FILIP1L: variants seen among roughly 807,000 people sequenced by gnomAD.
FILIP1L encodes the protein filamin A-interacting protein 1-like.
Under a neutral mutation model 96.6 loss-of-function variants are expected in FILIP1L, and 55 were observed. That is an observed-to-expected ratio of 0.57 (90% CI 0.46 to 0.71). The LOEUF is 0.71. FILIP1L is among the 30% of genes least tolerant of loss of function. The pLI is 0.00. For synonymous variants in FILIP1L, 467 were observed against 473.9 expected, an observed-to-expected ratio of 0.99 and a Z score of 0.19; for missense variants, 1,304 against 1,321.2, an observed-to-expected ratio of 0.99 and a Z score of 0.20.
chr3:99,940,293 C>A (rs1368257548), intron 1 of FILIP1L, among the ~76,000 whole-genome samples: 1 of 152,208 alleles, frequency 6.6e-6, no homozygotes, highest in African/African-American at 2.4e-5. Flanking sequence ...TGCCACACTT[C>A]CAACCCTAGA....
chr3:99,935,614 T>G (rs1707639403), intron 1 of FILIP1L, among the ~76,000 whole-genome samples: 1 of 152,214 alleles, frequency 6.6e-6, no homozygotes. Flanking sequence ...ACCTCTACCC[T>G]GTTCCTCACC....
At chr3:99,928,615 G>A (rs564874064) in intron 3 of FILIP1L, among the ~76,000 whole-genome samples, 15 of 152,204 alleles carry the variant, frequency 9.9e-5, no homozygotes, top group South Asian at 4.2e-4. Flanking sequence ...TTTTCCCACC[G>A]ATTTCAACAT....
chr3:100,042,424 A>G (rs2065220580), intron 1 of FILIP1L, among the ~76,000 whole-genome samples: 1 of 152,226 alleles, frequency 6.6e-6, no homozygotes, highest in African/African-American at 2.4e-5. Context: ...TGTGAGCACC[A>G]TCATGTAATA....
intron 1 of FILIP1L, among the ~76,000 whole-genome samples, chr3:100,055,507 T>C (rs1050616264): frequency 6.6e-6 from 1 of 152,232 alleles, no homozygotes; most frequent in Non-Finnish European, 1.5e-5. Context: ...CTAAAGACTG[T>C]CTTTACCTTT....
chr3:99,867,930 A>G (rs1944600800), intron 4 of FILIP1L, among the ~76,000 whole-genome samples: 1 of 152,218 alleles, frequency 6.6e-6, no homozygotes, highest in Admixed American at 6.5e-5. Context: ...TACTAAATTC[A>G]AAGTACAATT....
At position 99,869,011 on chromosome 3, in the gene FILIP1L, C is replaced by G. The variant is rs965269438; in HGVS notation, c.606-17941G>C. On this transcript the variant is annotated intron_variant, in intron 4 of 5. Coordinates refer to ENST00000477258, the MANE Select transcript of FILIP1L (RefSeq NM_001387850.1). Reference sequence around the variant, plus strand: ...GGGTTGAACTCTGTGCATACTTGACCAAATGATAGAGAGGTAAAAAGAACC... The same window carrying G: ...GGGTTGAACTCTGTGCATACTTGACGAAATGATAGAGAGGTAAAAAGAACC... Among the ~76,000 whole-genome samples the G allele has an allele frequency of 2.0e-4, 31 of 152,106 alleles. 1 individual carries two copies.
chr3:99,953,429 T>C (rs1708234804), intron 1 of FILIP1L, among the ~76,000 whole-genome samples: 1 of 152,146 alleles, frequency 6.6e-6, no homozygotes, highest in Non-Finnish European at 1.5e-5. Context: ...AGGGTGCAGT[T>C]TGAGGTACAG....
intron 4 of FILIP1L, among the ~76,000 whole-genome samples, chr3:99,877,577 A>T (rs1368949894): frequency 1.3e-5 from 2 of 152,190 alleles, no homozygotes; most frequent in African/African-American, 4.8e-5. Context: ...AATTACACAT[A>T]CTCTTCAGCC....
rs373628648 is a variant in FILIP1L at position 99,961,422 on chromosome 3, A to G, written c.-10-30392T>C. 2.6e-5 allele frequency among the ~76,000 whole-genome samples: 4 copies of G among 152,268 alleles called. No homozygotes were observed. The East Asian group carries it at 5.8e-4, about 22-fold the overall frequency. Reference sequence around the variant, plus strand: ...ATGTATCTACAATGACTCTTATGCTATATATGCATACCCAGGAGCCCAGAA... The same window carrying G: ...ATGTATCTACAATGACTCTTATGCTGTATATGCATACCCAGGAGCCCAGAA... On this transcript the variant is annotated intron_variant, in intron 1 of 5. Transcript: ENST00000477258.
intron 1 of FILIP1L, 123 bp from the exon 2 acceptor site, chr3:99,931,153 T>G (rs535753323): frequency 1.3e-6 from 1 of 761,852 alleles, no homozygotes; most frequent in Non-Finnish European, 2.1e-6. Flanking sequence ...GTCAATCTTT[T>G]TGATGTCTAC....
chr3:99,856,321 G>A lies in FILIP1L; in HGVS notation c.606-5251C>T, dbSNP rs554176812. On this transcript the variant is annotated intron_variant, in intron 4 of 5. Coordinates refer to ENST00000477258, the MANE Select transcript of FILIP1L (RefSeq NM_001387850.1). ...AAGAGTATAGGTATGAATAGTGGAC[G>A]TAGACGTTGATCCCTTAAATCTCTC... Among the ~76,000 whole-genome samples the A allele has an allele frequency of 4.6e-5, 7 of 152,344 alleles. No homozygotes were observed. The East Asian group carries it at 1.2e-3, about 25-fold the overall frequency.
At chr3:99,860,706 G>T (rs1386879868) in intron 4 of FILIP1L, among the ~76,000 whole-genome samples, 3 of 152,120 alleles carry the variant, frequency 2.0e-5, no homozygotes, top group Admixed American at 2.0e-4. Context: ...AGATGCTCAG[G>T]CTAGACCTGG....
chr3:100,109,492 G>C (rs1298284100), intron 1 of FILIP1L, among the ~76,000 whole-genome samples: 3 of 152,100 alleles, frequency 2.0e-5, no homozygotes, highest in Non-Finnish European at 2.9e-5. Context: ...CCTCCCCTCA[G>C]CGTCAGCTGT....
At chr3:99,984,554 C>G (rs893252974) in intron 1 of FILIP1L, among the ~76,000 whole-genome samples, 4 of 152,176 alleles carry the variant, frequency 2.6e-5, no homozygotes, top group Admixed American at 1.3e-4. Flanking sequence ...GAAACTCATT[C>G]TGCACACTGC....
At chr3:99,937,760 G>T (rs1306438949) in intron 1 of FILIP1L, among the ~76,000 whole-genome samples, 3 of 152,164 alleles carry the variant, frequency 2.0e-5, no homozygotes, top group Non-Finnish European at 4.4e-5. Flanking sequence ...TGGTAAAGAT[G>T]ATTCATTTGC....
chr3:99,935,723 C>G (rs1250893489), intron 1 of FILIP1L, among the ~76,000 whole-genome samples: 1 of 152,194 alleles, frequency 6.6e-6, no homozygotes, highest in Non-Finnish European at 1.5e-5. Context: ...TCTCTGTTGT[C>G]TTGTATCTAT....
intron 1 of FILIP1L, among the ~76,000 whole-genome samples, chr3:100,073,517 A>G (rs1314143650): frequency 1.3e-5 from 2 of 152,182 alleles, no homozygotes; most frequent in African/African-American, 4.8e-5. Context: ...GAAAACAGAA[A>G]TCTTGAGGTT....
chr3:99,931,992 T>C (rs1013334783), intron 1 of FILIP1L, among the ~76,000 whole-genome samples: 1 of 152,214 alleles, frequency 6.6e-6, no homozygotes, highest in African/African-American at 2.4e-5. Flanking sequence ...TTACTTTTAG[T>C]TTGTAGTATT....
chr3:99,878,825 T>G (rs1337812461), intron 4 of FILIP1L, among the ~76,000 whole-genome samples: 1 of 152,276 alleles, frequency 6.6e-6, no homozygotes, highest in Non-Finnish European at 1.5e-5. Flanking sequence ...CTGTTGGCAT[T>G]GTGCGCCATT....
Sources: allele counts gnomAD v4.1 joint callset (sites outside exome capture counted in the v4.1 genomes callset), GRCh38; gene constraint gnomAD v4.1.1; transcripts MANE v1.5; gene names NCBI Gene and HGNC (gene_info 2026-07-23, HGNC 2026-07-21).